The following PPIG variants were observed in gnomAD, a reference collection of about 807,000 sequenced individuals.
PPIG encodes peptidyl-prolyl cis-trans isomerase G.
A neutral mutation model predicts 87.9 loss-of-function variants in PPIG; 26 were observed. The observed-to-expected ratio is 0.30, with a 90% CI of 0.22 to 0.41. The LOEUF (loss-of-function observed/expected upper bound fraction) is 0.41. PPIG is among the 10% of genes least tolerant of loss of function. PPIG has a pLI of 1.00. For synonymous variants in PPIG, 308 were observed against 276.5 expected (o/e 1.11, Z -1.13); for missense variants, 722 against 879.4 (o/e 0.82, Z 2.26).
rs1685566202 is a variant in PPIG at position 169,614,628 on chromosome 2, G to A, written c.451G>A (p.Val151Ile). The A allele has an allele frequency of 1.2e-6, 2 of 1,613,222 alleles. No individual in the cohort carries two copies. Among genetic ancestry groups the A allele is most frequent in the Non-Finnish European group, 8.5e-7 (1 of 1,179,810 alleles). The change falls in exon 9 of 14, where the codon GTA (valine) becomes ATA (isoleucine). Residue 151 changes from valine to isoleucine, a missense_variant. Transcript: ENST00000260970. ...ACAAGTAATCTCTGGTCAAGAAGTTGTAAGAGAGATTGAAAACCAGAAAAC... is the reference window on the plus strand; with the variant it reads ...ACAAGTAATCTCTGGTCAAGAAGTTATAAGAGAGATTGAAAACCAGAAAAC... ...FGQVISGQEVVREIENQKTDA... is the reference protein window; with the variant it reads ...FGQVISGQEVIREIENQKTDA...
chr2:169,604,396 C>T, intron 4 of PPIG, 135 bp downstream of exon 4: 3 of 720,528 alleles, frequency 4.2e-6, no homozygotes, highest in Non-Finnish European at 6.6e-6. Flanking sequence ...GACTAGAACT[C>T]CTGGGCTCAT....
chr2:169,609,712 C>G (rs909125222), intron 7 of PPIG, among the ~76,000 whole-genome samples: 1 of 152,042 alleles, frequency 6.6e-6, no homozygotes, highest in Non-Finnish European at 1.5e-5. Context: ...GAAGCTGTTC[C>G]CTTATTAGAA....
intron 12 of PPIG, among the ~76,000 whole-genome samples, chr2:169,635,288 C>G (rs1324828032): frequency 6.6e-6 from 1 of 152,072 alleles, no homozygotes; most frequent in Non-Finnish European, 1.5e-5. Context: ...CTACACAAAA[C>G]CTAGTCCTTG....
intron 1 of PPIG, 114 bp downstream of exon 1, chr2:169,584,604 G>C (rs918783504): frequency 2.3e-6 from 1 of 436,656 alleles, no homozygotes; most frequent in Non-Finnish European, 4.6e-6. Context: ...ACCGGGTTGG[G>C]TTTACCGTCT....
chr2:169,593,346 C>T (rs1348588436), intron 1 of PPIG, among the ~76,000 whole-genome samples: 1 of 152,086 alleles, frequency 6.6e-6, no homozygotes, highest in Non-Finnish European at 1.5e-5. Context: ...AGACACCCAC[C>T]ACCATGCCCG....
At chr2:169,592,956 T>G (rs1481073575) in intron 1 of PPIG, among the ~76,000 whole-genome samples, 1 of 152,170 alleles carries the variant, frequency 6.6e-6, no homozygotes, top group Non-Finnish European at 1.5e-5. Context: ...GTAGTAATTT[T>G]AATAGTAATT....
At chr2:169,600,598 A>G (rs1685152846) in intron 1 of PPIG, among the ~76,000 whole-genome samples, 1 of 152,168 alleles carries the variant, frequency 6.6e-6, no homozygotes, top group African/African-American at 2.4e-5. Context: ...GGGTTTTCAG[A>G]TTTAGGATGC....
rs984210302 is a variant in PPIG at position 169,639,167 on chromosome 2, T to A, written c.*1644T>A. 9 of 151,754 alleles carry A rather than the reference T, an allele frequency of 5.9e-5. No homozygotes were observed. The highest frequency in any genetic ancestry group is 5.3e-4 in the Admixed American group (8 of 15,208). 9.4% of individuals were successfully genotyped at this position (151,754 alleles called of 1,614,324 possible). Reference sequence around the variant, plus strand: ...TATCCACAATGAATTCTTTCCAAAATTTTTTTTTCCGATGATAAAAGTAGT... The same window carrying A: ...TATCCACAATGAATTCTTTCCAAAAATTTTTTTTCCGATGATAAAAGTAGT... On this transcript the variant is annotated 3_prime_UTR_variant, in exon 14 of 14. Transcript: ENST00000260970.
Position 169,584,426 on chromosome 2 carries a change from C to A in PPIG, c.-134C>A. 2.1e-6 allele frequency: 1 copy of A among 471,020 alleles called. No homozygotes were observed. The highest frequency in any genetic ancestry group is 4.4e-6 in the Non-Finnish European group (1 of 227,028). 29.2% of individuals were successfully genotyped at this position (471,020 alleles called of 1,614,324 possible). On this transcript the variant is annotated 5_prime_UTR_variant, in exon 1 of 14. Transcript: ENST00000260970. ...TAGCGGGCTTTAGCGCCTTTTCTGG[C>A]GGCGGTAGATTTGAAGCGCTTCAAA...
chr2:169,609,198 A>G (rs1685420285), intron 7 of PPIG, among the ~76,000 whole-genome samples: 2 of 151,980 alleles, frequency 1.3e-5, no homozygotes, highest in Non-Finnish European at 2.9e-5. Context: ...AGGAAGGGGA[A>G]CAAATAATTG....
At chr2:169,619,983 G>A (rs7607255) in intron 9 of PPIG, among the ~76,000 whole-genome samples, 150,860 of 152,292 alleles carry the variant, frequency 0.99, 74,740 homozygotes, top group East Asian at 1. Flanking sequence ...ATATTAACCC[G>A]TTGTCAGATG....
chr2:169,588,564 A>G (rs1440234557), intron 1 of PPIG, among the ~76,000 whole-genome samples: 1 of 152,200 alleles, frequency 6.6e-6, no homozygotes, highest in Non-Finnish European at 1.5e-5. Flanking sequence ...TACTGGATTG[A>G]ATAATGGGGT....
chr2:169,606,360 G>A (rs956984705), intron 5 of PPIG, among the ~76,000 whole-genome samples: 5 of 152,048 alleles, frequency 3.3e-5, no homozygotes, highest in African/African-American at 4.8e-5. Flanking sequence ...TTGGGAGGCC[G>A]AGGTGGGCGG....
chr2:169,616,300 G>A lies in PPIG; in HGVS notation c.547+1576G>A, dbSNP rs185916108. The stretch of plus-strand genomic sequence containing the variant: ...TCTTTGTATTTTGAATAGTGCTGCA[G>A]TAAACATATGTGTGCATGTGTCTTT... On this transcript the variant is annotated intron_variant, in intron 9 of 13. Coordinates refer to ENST00000260970, the MANE Select transcript of PPIG (RefSeq NM_004792.3). Among the ~76,000 whole-genome samples the A allele has an allele frequency of 1.6e-4, 25 of 152,186 alleles. No homozygotes were observed. In the East Asian group the frequency reaches 4.4e-3, roughly 27 times the overall value.
At chr2:169,634,323 A>C (rs923711063) in intron 12 of PPIG, among the ~76,000 whole-genome samples, 1 of 152,010 alleles carries the variant, frequency 6.6e-6, no homozygotes, top group Non-Finnish European at 1.5e-5. Flanking sequence ...CAGCCTCCCA[A>C]AGTCCTAGAA....
At chr2:169,625,235 T>A (rs1685853977) in intron 9 of PPIG, among the ~76,000 whole-genome samples, 1 of 152,202 alleles carries the variant, frequency 6.6e-6, no homozygotes, top group Non-Finnish European at 1.5e-5. Flanking sequence ...GTTTTAAAAA[T>A]TTAATACATT....
intron 5 of PPIG, among the ~76,000 whole-genome samples, chr2:169,606,606 A>AAAAAAAAAG (rs1427437886): frequency 3.3e-5 from 5 of 151,232 alleles, no homozygotes; most frequent in Admixed American, 2.0e-4. Flanking sequence ...AAAAAAAAAA[A>AAAAAAAAAG]AAGAAGGAAG....
At chr2:169,585,300 C>T (rs1416318846) in intron 1 of PPIG, among the ~76,000 whole-genome samples, 1 of 110,214 alleles carries the variant, frequency 9.1e-6, no homozygotes, top group East Asian at 3.1e-4. Context: ...CTCGCTCTGT[C>T]GCCTAGGCTG....
intron 9 of PPIG, among the ~76,000 whole-genome samples, chr2:169,627,366 G>T (rs1211442287): frequency 1.3e-5 from 2 of 152,146 alleles, no homozygotes; most frequent in East Asian, 1.9e-4. Context: ...CAAAGTGGTG[G>T]GATTACAGGC....
Sources: allele counts gnomAD v4.1 joint callset (sites outside exome capture counted in the v4.1 genomes callset), GRCh38; gene constraint gnomAD v4.1.1; transcripts MANE v1.5; gene names NCBI Gene and HGNC (gene_info 2026-07-23, HGNC 2026-07-21).